Variants in GRIA1 observed in about 807,000 individuals in gnomAD.
GRIA1 encodes the protein glutamate receptor 1.
GRIA1 carries 31 observed loss-of-function variants against 99.2 expected under a neutral mutation model. The observed-to-expected ratio is 0.31, with a 90% CI of 0.23 to 0.42. The LOEUF is 0.42. GRIA1 is among the 10% of genes least tolerant of loss of function. The pLI is 1.00. For synonymous variants in GRIA1, 438 were observed against 432.4 expected, an observed-to-expected ratio of 1.01 and a Z score of -0.16; for missense variants, 782 against 1,157.5, an observed-to-expected ratio of 0.68 and a Z score of 4.71.
chr5:153,530,390 C>G (rs1175811682), intron 2 of GRIA1, among the ~76,000 whole-genome samples: 1 of 152,214 alleles, frequency 6.6e-6, no homozygotes, highest in Non-Finnish European at 1.5e-5. Flanking sequence ...AAGCTTTAAG[C>G]GGATCACCAA....
rs186054204 is a variant in GRIA1, at chr5:153,807,497, A to G, written c.2521-3528A>G. 1.4e-4 allele frequency among the ~76,000 whole-genome samples: 21 copies of G among 152,334 alleles called. No homozygotes were observed. In the East Asian group the frequency reaches 4.0e-3, roughly 29 times the overall value. ...GATATTTAACAGATTCAAAGCATGA[A>G]AAGAATTAAGCAGGAAAATGAATTG... On this transcript the variant is annotated intron_variant, in intron 15 of 15. Coordinates refer to ENST00000285900, the MANE Select transcript of GRIA1 (RefSeq NM_000827.4).
chr5:153,655,499 A>T (rs968394109), intron 4 of GRIA1, among the ~76,000 whole-genome samples: 2 of 152,208 alleles, frequency 1.3e-5, no homozygotes, highest in Non-Finnish European at 2.9e-5. Context: ...TGAGCATTTC[A>T]GATGGGTCCT....
chr5:153,745,989 C>T (rs1298843084), intron 11 of GRIA1, among the ~76,000 whole-genome samples: 2 of 152,148 alleles, frequency 1.3e-5, no homozygotes, highest in African/African-American at 4.8e-5. Flanking sequence ...TTAGGTTGTT[C>T]CTGTTCTTAT....
chr5:153,762,389 G>A (rs1763243362), intron 11 of GRIA1, among the ~76,000 whole-genome samples: 1 of 152,162 alleles, frequency 6.6e-6, no homozygotes. Context: ...AGCTGCTGCA[G>A]CTTCAAATGA....
intron 7 of GRIA1, among the ~76,000 whole-genome samples, chr5:153,682,560 G>A (rs1757048692): frequency 6.6e-6 from 1 of 152,074 alleles, no homozygotes; most frequent in East Asian, 1.9e-4. Flanking sequence ...CCATCCCCCA[G>A]ATTATGTCGG....
intron 2 of GRIA1, among the ~76,000 whole-genome samples, chr5:153,608,384 A>G (rs533980603): frequency 9.2e-5 from 14 of 152,102 alleles, no homozygotes; most frequent in Non-Finnish European, 1.9e-4. Flanking sequence ...TTCATTTACA[A>G]TGATGTTAAG....
intron 2 of GRIA1, among the ~76,000 whole-genome samples, chr5:153,599,187 T>A (rs973101310): frequency 6.6e-6 from 1 of 152,166 alleles, no homozygotes; most frequent in Non-Finnish European, 1.5e-5. Flanking sequence ...CGGCCAGGGC[T>A]GTTGATTTTA....
chr5:153,769,704 A>G (rs1474024505), intron 12 of GRIA1, among the ~76,000 whole-genome samples: 1 of 151,874 alleles, frequency 6.6e-6, no homozygotes, highest in Non-Finnish European at 1.5e-5. Context: ...TTACTTTTGC[A>G]TCAACCTAAT....
At chr5:153,770,540 C>T (rs1763809481) in intron 13 of GRIA1, 125 bp downstream of exon 13, 9 of 884,178 alleles carry the variant, frequency 1.0e-5, no homozygotes, top group South Asian at 5.1e-5. Flanking sequence ...TCTTCTTCAA[C>T]ACCTATGGGC....
chr5:153,732,439 T>C (rs1231650916), intron 11 of GRIA1, among the ~76,000 whole-genome samples: 1 of 152,154 alleles, frequency 6.6e-6, no homozygotes, highest in Non-Finnish European at 1.5e-5. Flanking sequence ...AGGGGATCTC[T>C]CATTCTGATT....
intron 2 of GRIA1, among the ~76,000 whole-genome samples, chr5:153,503,036 A>T (rs1755157542): frequency 6.6e-6 from 1 of 152,160 alleles, no homozygotes; most frequent in Non-Finnish European, 1.5e-5. Context: ...ATTATTGCAC[A>T]TTCATTTTTA....
chr5:153,766,339 G>A (rs1212130065), intron 12 of GRIA1, among the ~76,000 whole-genome samples: 2 of 152,134 alleles, frequency 1.3e-5, no homozygotes, highest in South Asian at 2.1e-4. Flanking sequence ...GAAGGTGCCT[G>A]TTTCTACTTG....
intron 13 of GRIA1, among the ~76,000 whole-genome samples, chr5:153,772,838 T>C (rs762822060): frequency 2.0e-5 from 3 of 152,164 alleles, no homozygotes; most frequent in Non-Finnish European, 4.4e-5. Flanking sequence ...TACCTCAATA[T>C]TACAATTTAC....
At chr5:153,550,106 C>A (rs903704853) in intron 2 of GRIA1, among the ~76,000 whole-genome samples, 3 of 152,084 alleles carry the variant, frequency 2.0e-5, no homozygotes, top group African/African-American at 7.2e-5. Context: ...AGGCTAGGAT[C>A]TGTGACATGG....
chr5:153,706,499 A>G (rs1758906079), intron 11 of GRIA1, among the ~76,000 whole-genome samples: 1 of 152,194 alleles, frequency 6.6e-6, no homozygotes, highest in African/African-American at 2.4e-5. Context: ...ACAAATGAGG[A>G]ACCACAGAAA....
chr5:153,490,120 T>C, upstream of GRIA1: 1 of 272,482 alleles, frequency 3.7e-6, no homozygotes, highest in South Asian at 3.8e-5. Context: ...ATTTCTAGGG[T>C]CTTTCCCTCA....
intron 2 of GRIA1, among the ~76,000 whole-genome samples, chr5:153,607,186 G>T (rs1765532447): frequency 2.0e-5 from 3 of 151,324 alleles, no homozygotes; most frequent in Admixed American, 2.0e-4. Context: ...TTCATATAAT[G>T]ACTTGTTTTC....
chr5:153,501,741 G>A (rs1381960835), intron 2 of GRIA1, among the ~76,000 whole-genome samples: 1 of 152,302 alleles, frequency 6.6e-6, no homozygotes, highest in East Asian at 1.9e-4. Context: ...GGGGACAGAG[G>A]CCAGGGGAAA....
intron 13 of GRIA1, among the ~76,000 whole-genome samples, chr5:153,788,708 C>T (rs1765123863): frequency 1.3e-5 from 2 of 152,208 alleles, no homozygotes; most frequent in South Asian, 4.1e-4. Flanking sequence ...CTTACTAGGG[C>T]ATGAACCATG....
Sources: allele counts gnomAD v4.1 joint callset (sites outside exome capture counted in the v4.1 genomes callset), GRCh38; gene constraint gnomAD v4.1.1; transcripts MANE v1.5; gene names NCBI Gene and HGNC (gene_info 2026-07-23, HGNC 2026-07-21).